Variants in HIVEP2 observed in about 807,000 individuals in gnomAD.
HIVEP2 encodes HIVEP zinc finger 2, also known as transcription factor HIVEP2.
A neutral mutation model predicts 180.7 loss-of-function variants in HIVEP2; 14 were observed. That is an observed-to-expected ratio of 0.08 (90% CI 0.05 to 0.12). HIVEP2 has a LOEUF of 0.12. HIVEP2 is among the 10% of genes least tolerant of loss of function. The pLI is 1.00. For synonymous variants in HIVEP2, 1,184 were observed against 1,136.4 expected (o/e 1.04, Z -0.84); for missense variants, 2,579 against 3,008.5 (o/e 0.86, Z 3.34).
At chr6:142,804,854 TA>T (rs947007235) in intron 2 of HIVEP2, among the ~76,000 whole-genome samples, 2 of 151,836 alleles carry the variant, frequency 1.3e-5, no homozygotes, top group Non-Finnish European at 2.9e-5. Context: ...GAGAAAGGCT[TA>T]AAAAAAATCC....
chr6:142,913,077 C>T (rs959544193), intron 1 of HIVEP2, among the ~76,000 whole-genome samples: 5 of 152,208 alleles, frequency 3.3e-5, no homozygotes, highest in African/African-American at 1.2e-4. Context: ...TCAGCCAGCA[C>T]ACAGAGGATG....
At chr6:142,889,270 A>G (rs1039058060) in intron 1 of HIVEP2, among the ~76,000 whole-genome samples, 1 of 152,088 alleles carries the variant, frequency 6.6e-6, no homozygotes, top group African/African-American at 2.4e-5. Context: ...CAGGAGATGG[A>G]GACCAGCCTG....
intron 2 of HIVEP2, among the ~76,000 whole-genome samples, chr6:142,824,928 A>G (rs1218520483): frequency 6.6e-6 from 1 of 152,206 alleles, no homozygotes; most frequent in Non-Finnish European, 1.5e-5. Context: ...CGACACTAAA[A>G]TTCAGGTCAA....
intron 1 of HIVEP2, among the ~76,000 whole-genome samples, chr6:142,940,266 A>AC (rs1562299390): frequency 6.6e-6 from 1 of 152,206 alleles, no homozygotes; most frequent in Non-Finnish European, 1.5e-5. Context: ...TATTTTTAGA[A>AC]CTTAAATTAT....
intron 1 of HIVEP2, among the ~76,000 whole-genome samples, chr6:142,926,879 G>T (rs1054027146): frequency 2.6e-5 from 4 of 152,012 alleles, no homozygotes; most frequent in Non-Finnish European, 4.4e-5. Context: ...GGCAGGAAGG[G>T]GGGAGGCCGA....
intron 1 of HIVEP2, among the ~76,000 whole-genome samples, chr6:142,916,349 T>C (rs1163109435): frequency 6.6e-6 from 1 of 152,222 alleles, no homozygotes; most frequent in Non-Finnish European, 1.5e-5. Flanking sequence ...CAAGTTGGGA[T>C]GAAGACCAAA....
chr6:142,938,154 T>G (rs1317281151), intron 1 of HIVEP2, among the ~76,000 whole-genome samples: 1 of 152,214 alleles, frequency 6.6e-6, no homozygotes, highest in African/African-American at 2.4e-5. Context: ...TTCGATGACT[T>G]GTTTCCAAGT....
At position 142,771,196 on chromosome 6, in the gene HIVEP2, C is replaced by T. The variant is rs774244972; in HGVS notation, c.3543G>A (p.Lys1181=). 1.2e-6 allele frequency: 2 copies of T among 1,614,058 alleles called. No individual in the cohort carries two copies. Among genetic ancestry groups the T allele is most frequent in the Non-Finnish European group, 1.7e-6 (2 of 1,180,028 alleles). ...LIQPTSYMTS[K]HLPEQPHLFP... is the part of the protein sequence containing the mutation. Reference sequence around the variant, plus strand: ...ATAAGTGTGGCTGTTCAGGTAAGTGCTTGCTTGTCATATAGGATGTTGGTT... The same window carrying T: ...ATAAGTGTGGCTGTTCAGGTAAGTGTTTGCTTGTCATATAGGATGTTGGTT... Residue 1181 remains lysine (K), a synonymous_variant, in exon 5 of 10, where the codon AAG becomes AAA. Coordinates refer to ENST00000367603, the MANE Select transcript of HIVEP2 (RefSeq NM_006734.4). This position sits in a 1 kb window ranked among gnomAD's most constrained non-coding sequence, Gnocchi z 5.4.
At chr6:142,853,614 G>T (rs1283479618) in intron 1 of HIVEP2, among the ~76,000 whole-genome samples, 1 of 152,190 alleles carries the variant, frequency 6.6e-6, no homozygotes, top group African/African-American at 2.4e-5. Context: ...ATAGCTTCTT[G>T]TCAAATAGTC....
chr6:142,831,288 C>A (rs58718246), intron 2 of HIVEP2, among the ~76,000 whole-genome samples: 4,398 of 152,236 alleles, frequency 0.029, 232 homozygotes, highest in African/African-American at 0.098. Context: ...CGATGCAGTG[C>A]CTTCATCTGT....
chr6:142,850,605 A>G (rs1187795185), intron 1 of HIVEP2, among the ~76,000 whole-genome samples: 1 of 152,228 alleles, frequency 6.6e-6, no homozygotes, highest in African/African-American at 2.4e-5. Context: ...TATCAAAACT[A>G]AGTTTAAATT....
chr6:142,803,355 A>G (rs965716677), intron 2 of HIVEP2, among the ~76,000 whole-genome samples: 1 of 152,190 alleles, frequency 6.6e-6, no homozygotes, highest in African/African-American at 2.4e-5. Context: ...TAAAAGAGAA[A>G]TGACATAGGT....
rs1775267064 is a variant in HIVEP2 at position 142,837,988 on chromosome 6, G to A, written c.-640-941C>T. The stretch of plus-strand genomic sequence containing the variant: ...ACTTATTCCAAAGCCATAAGCACAA[G>A]ATTTTTTAATTGTGCAATTTGAAAT... On this transcript the variant is annotated intron_variant, in intron 1 of 9. Transcript: ENST00000367603. 2.6e-5 allele frequency among the ~76,000 whole-genome samples: 4 copies of A among 151,942 alleles called. No individual in the cohort carries two copies. The South Asian group carries it at 8.3e-4, about 32-fold the overall frequency.
At chr6:142,808,661 G>T (rs1364151015) in intron 2 of HIVEP2, among the ~76,000 whole-genome samples, 1 of 150,276 alleles carries the variant, frequency 6.7e-6, no homozygotes, top group Non-Finnish European at 1.5e-5. Context: ...AGAAAGGAGG[G>T]CTAGATGGAT....
chr6:142,806,091 A>T (rs1776542348), intron 2 of HIVEP2, among the ~76,000 whole-genome samples: 1 of 152,166 alleles, frequency 6.6e-6, no homozygotes, highest in Non-Finnish European at 1.5e-5. Context: ...CAATACCTGT[A>T]CTGAGTATTA....
intron 3 of HIVEP2, among the ~76,000 whole-genome samples, chr6:142,781,739 C>A (rs1410476371): frequency 6.6e-6 from 1 of 152,114 alleles, no homozygotes; most frequent in Non-Finnish European, 1.5e-5. Flanking sequence ...GAGTCCCACT[C>A]AAATAAGTTT....
At chr6:142,818,791 A>G (rs951333335) in intron 2 of HIVEP2, among the ~76,000 whole-genome samples, 11 of 140,156 alleles carry the variant, frequency 7.8e-5, no homozygotes, top group South Asian at 2.3e-4. Context: ...GAAAGAAAGA[A>G]AAAGAAAAGA....
chr6:142,797,157 G>C (rs1229551669), intron 2 of HIVEP2, among the ~76,000 whole-genome samples: 1 of 150,956 alleles, frequency 6.6e-6, no homozygotes, highest in African/African-American at 2.4e-5. Context: ...TTCTTTTTTT[G>C]ATGTTTCTAG....
intron 2 of HIVEP2, among the ~76,000 whole-genome samples, chr6:142,785,856 G>A (rs919146049): frequency 1.3e-5 from 2 of 152,182 alleles, no homozygotes; most frequent in Admixed American, 6.5e-5. Context: ...TTGAAGAAGA[G>A]AAAAGCAATG....
Sources: allele counts gnomAD v4.1 joint callset (sites outside exome capture counted in the v4.1 genomes callset), GRCh38; gene constraint gnomAD v4.1.1; non-coding constraint Gnocchi (gnomAD v3.1); transcripts MANE v1.5; gene names NCBI Gene and HGNC (gene_info 2026-07-23, HGNC 2026-07-21).